The following CACNA1C variants were observed in gnomAD, a reference collection of about 807,000 sequenced individuals.
The protein encoded by CACNA1C is calcium voltage-gated channel subunit alpha1 C.
In CACNA1C, 30 loss-of-function variants were observed where a neutral mutation model predicts 229.0. The observed-to-expected ratio is 0.13, with a 90% CI of 0.10 to 0.18. The LOEUF is 0.18. CACNA1C is among the 10% of genes least tolerant of loss of function. The pLI, the probability that CACNA1C is intolerant of heterozygous loss-of-function variation, is 1.00. For synonymous variants in CACNA1C, 1,114 were observed against 1,132.5 expected, an observed-to-expected ratio of 0.98 and a Z score of 0.33; for missense variants, 1,658 against 2,845.0, an observed-to-expected ratio of 0.58 and a Z score of 9.49.
chr12:2,499,316 C>T lies in CACNA1C; in HGVS notation c.1114-5526C>T, dbSNP rs556417155. On this transcript the variant is annotated intron_variant, in intron 7 of 46. Coordinates refer to ENST00000399655, the MANE Select transcript of CACNA1C (RefSeq NM_000719.7). ...TCACAGATTTACACCTCCTGCCTTT[C>T]GATGGCAGGTGTCAGCCTCTCTCTC... 1.1e-4 allele frequency among the ~76,000 whole-genome samples: 17 copies of T among 152,242 alleles called. No homozygotes were observed. The South Asian group carries it at 2.9e-3, about 26-fold the overall frequency.
chr12:2,390,659 G>C (rs1331583290), intron 3 of CACNA1C, among the ~76,000 whole-genome samples: 1 of 152,174 alleles, frequency 6.6e-6, no homozygotes, highest in Non-Finnish European at 1.5e-5. Context: ...GCTGGGCTTT[G>C]AAGATGATCA....
At chr12:2,527,289 TGTTAAAGAA>T (rs1035055345) in intron 9 of CACNA1C, among the ~76,000 whole-genome samples, 2 of 152,204 alleles carry the variant, frequency 1.3e-5, no homozygotes, top group African/African-American at 4.8e-5. Flanking sequence ...AGGCCAGCAC[TGTTAAAGAA>T]TGATTACAAC....
intron 3 of CACNA1C, among the ~76,000 whole-genome samples, chr12:2,232,520 G>GA (rs921592004): frequency 2.0e-5 from 3 of 151,968 alleles, no homozygotes; most frequent in African/African-American, 7.3e-5. Context: ...GGTGTCTTTT[G>GA]AGTTTCTTCA....
chr12:2,358,108 C>T (rs2097434677), intron 3 of CACNA1C, among the ~76,000 whole-genome samples: 1 of 152,198 alleles, frequency 6.6e-6, no homozygotes, highest in East Asian at 1.9e-4. Flanking sequence ...CTTATCTCAT[C>T]AGCTATGGAG....
At position 2,507,739 on chromosome 12, in the gene CACNA1C, C is replaced by G. The variant is rs970644767; in HGVS notation, c.1217+2794C>G. Among the ~76,000 whole-genome samples, 4 of 152,314 alleles carry G rather than the reference C, an allele frequency of 2.6e-5. No individual in the cohort carries two copies. In the East Asian group the frequency reaches 7.7e-4, roughly 29 times the overall value. ...TCCTGTGTCCATTCTACAGAGAAGG[C>G]AAGTGAAGCTCACCAGGCAAAATGA... is the stretch of plus-strand genomic sequence containing the variant. On this transcript the variant is annotated intron_variant, in intron 8 of 46. Coordinates refer to ENST00000399655, the MANE Select transcript of CACNA1C (RefSeq NM_000719.7).
chr12:2,242,275 C>T (rs1476671617), intron 3 of CACNA1C, among the ~76,000 whole-genome samples: 1 of 152,230 alleles, frequency 6.6e-6, no homozygotes, highest in Non-Finnish European at 1.5e-5. Context: ...GGAGTCTTCA[C>T]TTTCCCGCAG....
intron 3 of CACNA1C, among the ~76,000 whole-genome samples, chr12:2,407,327 T>G (rs1374080859): frequency 6.9e-6 from 1 of 145,514 alleles, no homozygotes; most frequent in Non-Finnish European, 1.5e-5. Context: ...AACGTCCTTT[T>G]GATAATAGCC....
intron 43 of CACNA1C, among the ~76,000 whole-genome samples, chr12:2,685,070 C>T (rs1603461227): frequency 6.6e-6 from 1 of 152,170 alleles, no homozygotes. Context: ...CTGGGACTCA[C>T]CAGGGTGCAA....
intron 3 of CACNA1C, among the ~76,000 whole-genome samples, chr12:2,200,443 C>T (rs1314355673): frequency 1.3e-5 from 2 of 152,116 alleles, no homozygotes; most frequent in Non-Finnish European, 2.9e-5. Context: ...TGGCATCTAG[C>T]GGATAGAGGC....
chr12:2,331,365 C>A (rs899014693), intron 3 of CACNA1C, among the ~76,000 whole-genome samples: 1 of 152,166 alleles, frequency 6.6e-6, no homozygotes, highest in Non-Finnish European at 1.5e-5. Context: ...AGTCTAGCAT[C>A]TAGATTTTGG....
At chr12:1,977,339 G>A (rs905124069) in intron 1 of CACNA1C, among the ~76,000 whole-genome samples, 2 of 152,138 alleles carry the variant, frequency 1.3e-5, no homozygotes, top group African/African-American at 2.4e-5. Context: ...GTCATTCTCC[G>A]TCTCTACCAT....
chr12:2,659,695 A>C (rs1051904737), intron 34 of CACNA1C, among the ~76,000 whole-genome samples: 24 of 152,202 alleles, frequency 1.6e-4, no homozygotes, highest in Non-Finnish European at 2.9e-4. Flanking sequence ...GAAGGAATGC[A>C]TTTTTAAAAA....
intron 3 of CACNA1C, among the ~76,000 whole-genome samples, chr12:2,207,879 C>G (rs1181856199): frequency 6.6e-6 from 1 of 152,086 alleles, no homozygotes; most frequent in Non-Finnish European, 1.5e-5. Flanking sequence ...CACAGAACAT[C>G]TGACTTTCGG....
In CACNA1C at chr12:2,639,868, C is replaced by G. The variant is rs7315512; in HGVS notation, c.3912+5488C>G. On this transcript the variant is annotated intron_variant, in intron 30 of 46. Transcript: ENST00000399655. The surrounding 1 kb of genome is among the most constrained non-coding windows in gnomAD (Gnocchi z 4.2). ...TTGGTGGAGCTCACCTGGAGATTCTCCAGAGAAAAGGAGCAGGAGAAAGAC... is the reference window on the plus strand; with the variant it reads ...TTGGTGGAGCTCACCTGGAGATTCTGCAGAGAAAAGGAGCAGGAGAAAGAC... Among the ~76,000 whole-genome samples, 2,941 of 152,110 alleles carry G rather than the reference C, an allele frequency of 0.019. 107 individuals carry two copies. Among genetic ancestry groups the G allele is most frequent in the African/African-American group, 0.067 (2,771 of 41,474 alleles).
Position 2,034,558 on chromosome 12 carries a change from T to C in CACNA1C, c.139+63357T>C, listed in dbSNP as rs576583845. On this transcript the variant is annotated intron_variant, in intron 1 of 46. Transcript: ENST00000682462. The surrounding 1 kb of genome is among the most constrained non-coding windows in gnomAD (Gnocchi z 4.1). ...ATACTAAGAGTCCCTCTTAATACTTTCTGTTTTATTACTCTAAAGTAAACT... is the reference window on the plus strand; with the variant it reads ...ATACTAAGAGTCCCTCTTAATACTTCCTGTTTTATTACTCTAAAGTAAACT... 9.7e-4 allele frequency among the ~76,000 whole-genome samples: 147 copies of C among 152,294 alleles called. 1 individual carries two copies. Among genetic ancestry groups the C allele is most frequent in the African/African-American group, 3.2e-3 (131 of 41,556 alleles).
intron 4 of CACNA1C, 117 bp downstream of exon 4, chr12:2,449,232 G>T: frequency 1.5e-6 from 1 of 650,908 alleles, no homozygotes. Context: ...GCTCGCAGAT[G>T]ATCTAGAGTG....
rs1262905500 is a variant in CACNA1C, at chr12:2,665,895, AATGT to A, written c.4526+190_4526+193del. 6.6e-6 allele frequency among the ~76,000 whole-genome samples: 1 copy of A among 152,166 alleles called. No individual in the cohort carries two copies. Among genetic ancestry groups the A allele is most frequent in the Non-Finnish European group, 1.5e-5 (1 of 68,032 alleles). On this transcript the variant is annotated intron_variant, in intron 36 of 46. Transcript: ENST00000399655. This position sits in a 1 kb window ranked among gnomAD's most constrained non-coding sequence, Gnocchi z 5.9. The stretch of plus-strand genomic sequence containing the variant: ...GCCCGGCACCTTCAATTAAGTCAAG[AATGT>A]ATCTACTAGGTTGGGTGGGGTGGCT...
intron 3 of CACNA1C, among the ~76,000 whole-genome samples, chr12:2,421,026 T>C (rs2098973296): frequency 1.3e-5 from 2 of 152,170 alleles, no homozygotes; most frequent in South Asian, 4.1e-4. Flanking sequence ...GAAGGTAAAC[T>C]ATTAGTGACT....
chr12:2,077,100 C>T (rs2063498843), intron 1 of CACNA1C, among the ~76,000 whole-genome samples: 1 of 152,220 alleles, frequency 6.6e-6, no homozygotes, highest in Non-Finnish European at 1.5e-5. Context: ...TTATGATCAA[C>T]AGGGAAATTT....
Sources: allele counts gnomAD v4.1 joint callset (sites outside exome capture counted in the v4.1 genomes callset), GRCh38; gene constraint gnomAD v4.1.1; non-coding constraint Gnocchi (gnomAD v3.1); transcripts MANE v1.5; gene names NCBI Gene and HGNC (gene_info 2026-07-23, HGNC 2026-07-21).